The following TWSG1 variants were observed in gnomAD, a reference collection of about 807,000 sequenced individuals.
The protein encoded by TWSG1 is twisted gastrulation BMP signaling modulator 1, also known as twisted gastrulation protein homolog 1.
Under a neutral mutation model 23.0 loss-of-function variants are expected in TWSG1, and 15 were observed. The ratio of observed to expected loss-of-function variants is 0.65; its 90% CI spans 0.44 to 1.00. The LOEUF (loss-of-function observed/expected upper bound fraction) is 1.00, where lower values mean the gene tolerates loss of function less well. Ranked by LOEUF, TWSG1 falls within the 50% of genes least tolerant of loss-of-function variation. The pLI is 0.00. For synonymous variants in TWSG1, 86 were observed against 92.8 expected (o/e 0.93, Z 0.42); for missense variants, 242 against 278.7 (o/e 0.87, Z 0.94).
chr18:9,353,612 AT>A (rs2040511695), intron 2 of TWSG1, among the ~76,000 whole-genome samples: 1 of 152,334 alleles, frequency 6.6e-6, no homozygotes, highest in East Asian at 1.9e-4. Context: ...TAGCATAGTT[AT>A]TTACACATAG....
At chr18:9,343,842 T>C (rs1281441992) in intron 2 of TWSG1, among the ~76,000 whole-genome samples, 4 of 152,240 alleles carry the variant, frequency 2.6e-5, no homozygotes, top group Non-Finnish European at 5.9e-5. Flanking sequence ...TTTTTGGCTA[T>C]GGTAGATAAT....
intron 4 of TWSG1, among the ~76,000 whole-genome samples, chr18:9,397,463 A>G (rs553191761): frequency 2.6e-5 from 4 of 152,354 alleles, no homozygotes; most frequent in African/African-American, 9.6e-5. Context: ...AAATTACAGA[A>G]GCATATTTAA....
chr18:9,393,917 C>T (rs1199777762), intron 3 of TWSG1, among the ~76,000 whole-genome samples: 1 of 152,064 alleles, frequency 6.6e-6, no homozygotes, highest in African/African-American at 2.4e-5. Flanking sequence ...AGAAATTTGC[C>T]AGAAGGATAA....
intron 3 of TWSG1, among the ~76,000 whole-genome samples, chr18:9,366,409 C>T (rs893313619): frequency 6.6e-6 from 1 of 152,240 alleles, no homozygotes; most frequent in African/African-American, 2.4e-5. Context: ...CAGGATCAGA[C>T]AGCTCTGTGC....
At chr18:9,389,174 C>G (rs915016756) in intron 3 of TWSG1, among the ~76,000 whole-genome samples, 1 of 151,866 alleles carries the variant, frequency 6.6e-6, no homozygotes, top group African/African-American at 2.4e-5. Flanking sequence ...CAGGGTTTCT[C>G]CATGTTGGTC....
At chr18:9,372,725 C>T (rs2040611675) in intron 3 of TWSG1, among the ~76,000 whole-genome samples, 1 of 151,384 alleles carries the variant, frequency 6.6e-6, no homozygotes, top group African/African-American at 2.4e-5. Context: ...TAAATGTATA[C>T]TGCACACTCC....
At chr18:9,354,774 G>A (rs577555000) in intron 2 of TWSG1, among the ~76,000 whole-genome samples, 2 of 152,110 alleles carry the variant, frequency 1.3e-5, no homozygotes, top group East Asian at 3.9e-4. Flanking sequence ...ACATGCATAG[G>A]AATTTACCAA....
intron 3 of TWSG1, among the ~76,000 whole-genome samples, chr18:9,378,616 G>A (rs2040641896): frequency 6.6e-6 from 1 of 152,154 alleles, no homozygotes; most frequent in Non-Finnish European, 1.5e-5. Flanking sequence ...AGAAATCAGA[G>A]ATGACCAAAA....
chr18:9,337,728 A>G (rs1014714137), intron 2 of TWSG1, among the ~76,000 whole-genome samples: 7 of 152,254 alleles, frequency 4.6e-5, no homozygotes, highest in African/African-American at 1.7e-4. Flanking sequence ...TACCCTAAGT[A>G]TGATGTATTA....
chr18:9,356,149 C>T (rs1487023787), intron 2 of TWSG1, among the ~76,000 whole-genome samples: 1 of 152,138 alleles, frequency 6.6e-6, no homozygotes, highest in African/African-American at 2.4e-5. Flanking sequence ...CCTCTTGTTT[C>T]TCCTTACCAT....
rs2298549 is a variant in TWSG1 at position 9,396,648 on chromosome 18, G to A, written c.490+102G>A. On this transcript the variant is annotated intron_variant, in intron 4 of 4. Transcript: ENST00000262120. ...GACCATCTTTTGGAGCAGCCTTTTG[G>A]TTTTGAATTTGTATCATCTCACATA... is the stretch of plus-strand genomic sequence containing the variant. 4,067 of 1,423,194 alleles carry A rather than the reference G, an allele frequency of 2.9e-3. 179 individuals are homozygous for A. The East Asian group carries it at 0.082, about 29-fold the overall frequency. 88.2% of individuals were successfully genotyped at this position (1,423,194 alleles called of 1,614,324 possible).
rs373291181 is a variant in TWSG1 at position 9,396,321 on chromosome 18, T to G, written c.265T>G (p.Ser89Ala). ...PRNYSDTPPTSKSTVEELHEP... is the reference protein window; with the variant it reads ...PRNYSDTPPTAKSTVEELHEP... The stretch of plus-strand genomic sequence containing the variant: ...AAATTATAGTGACACACCTCCAACT[T>G]CAAAGAGCACAGTGGAGGAGCTGCA... Residue 89 changes from serine (S) to alanine (A), a missense_variant, in exon 4 of 5, where the codon TCA becomes GCA. Transcript: ENST00000262120. 9 of 1,613,986 alleles carry G rather than the reference T, an allele frequency of 5.6e-6. No individual in the cohort carries two copies. Among genetic ancestry groups the G allele is most frequent in the African/African-American group, 4.0e-5 (3 of 74,898 alleles).
At chr18:9,355,151 T>C (rs1426409989) in intron 2 of TWSG1, among the ~76,000 whole-genome samples, 1 of 152,038 alleles carries the variant, frequency 6.6e-6, no homozygotes, top group Non-Finnish European at 1.5e-5. Flanking sequence ...AGAGACGGGG[T>C]TTCACCATGT....
At chr18:9,358,002 G>T (rs1307506858) in intron 2 of TWSG1, among the ~76,000 whole-genome samples, 2 of 152,096 alleles carry the variant, frequency 1.3e-5, no homozygotes, top group African/African-American at 4.8e-5. Context: ...AAATCATTTT[G>T]TTTTAAACAG....
intron 3 of TWSG1, among the ~76,000 whole-genome samples, chr18:9,367,779 A>G (rs2040586814): frequency 6.6e-6 from 1 of 152,198 alleles, no homozygotes; most frequent in African/African-American, 2.4e-5. Context: ...CCTGGTGCCA[A>G]AAAGGCTGGG....
intron 3 of TWSG1, among the ~76,000 whole-genome samples, chr18:9,365,680 A>AAAAAAG (rs930780566): frequency 2.0e-5 from 3 of 151,884 alleles, no homozygotes; most frequent in South Asian, 4.2e-4. Context: ...TTAACTCAAA[A>AAAAAAG]AAAAAGAAAA....
chr18:9,359,972 G>T lies in TWSG1; in HGVS notation c.124G>T (p.Glu42Ter). Residue 42 changes from glutamate (E) to a stop codon, truncating the protein, a stop_gained and splice_region_variant, in exon 3 of 5, where the codon GAG becomes TAG. Transcript: ENST00000262120. LOFTEE classifies it high-confidence loss of function. ...AGTTTAACATCTGTCTTGTTTCTAG[G>T]AGCTCTGCCAGTGCCGGCCGGGAGA... ...ASDVSKCLIQ[E>*]LCQCRPGEGN... The T allele has an allele frequency of 6.2e-7, 1 of 1,612,732 alleles. No homozygotes were observed. Among genetic ancestry groups the T allele is most frequent in the Non-Finnish European group, 8.5e-7 (1 of 1,179,052 alleles).
intron 3 of TWSG1, among the ~76,000 whole-genome samples, chr18:9,373,686 A>G (rs1285369806): frequency 1.3e-5 from 2 of 152,230 alleles, no homozygotes; most frequent in Non-Finnish European, 2.9e-5. Context: ...AACACCATTA[A>G]TCAGCTGAAT....
At chr18:9,338,426 T>C (rs905934222) in intron 2 of TWSG1, among the ~76,000 whole-genome samples, 1 of 152,220 alleles carries the variant, frequency 6.6e-6, no homozygotes, top group Non-Finnish European at 1.5e-5. Flanking sequence ...CATGAGTAGT[T>C]ACTGCAGTCA....
Sources: allele counts gnomAD v4.1 joint callset (sites outside exome capture counted in the v4.1 genomes callset), GRCh38; gene constraint gnomAD v4.1.1; transcripts MANE v1.5; gene names NCBI Gene and HGNC (gene_info 2026-07-23, HGNC 2026-07-21).